Variants in MME observed in about 807,000 individuals in gnomAD.
MME encodes neprilysin.
MME carries 98 observed loss-of-function variants against 113.2 expected under a neutral mutation model. The observed-to-expected ratio is 0.87, with a 90% CI of 0.74 to 1.02. The LOEUF (loss-of-function observed/expected upper bound fraction) is 1.02. MME is among the 50% of genes least tolerant of loss of function. The pLI is 0.00. For synonymous variants in MME, 292 were observed against 300.6 expected, an observed-to-expected ratio of 0.97 and a Z score of 0.30; for missense variants, 836 against 896.0, an observed-to-expected ratio of 0.93 and a Z score of 0.86.
chr3:155,141,269 T>C (rs1721069371), intron 10 of MME, among the ~76,000 whole-genome samples: 1 of 152,218 alleles, frequency 6.6e-6, no homozygotes, highest in African/African-American at 2.4e-5. Flanking sequence ...AAGAATGACC[T>C]AAACCACCAA....
chr3:155,090,447 T>C lies in MME; in HGVS notation c.196+5353T>C, dbSNP rs1361482731. 5 of 152,282 alleles carry C rather than the reference T, an allele frequency of 3.3e-5. No individual in the cohort carries two copies. The East Asian group carries it at 7.7e-4, about 23-fold the overall frequency. 9.4% of individuals were successfully genotyped at this position (152,282 alleles called of 1,614,324 possible). A position where few individuals can be genotyped will look rare whatever the true frequency, so the allele number is the denominator to read the frequency against. ...TATACATACCTATGATAAAGTTTAATTTATAAATTAGACAAAGATTAATAA... is the reference window on the plus strand; with the variant it reads ...TATACATACCTATGATAAAGTTTAACTTATAAATTAGACAAAGATTAATAA... On this transcript the variant is annotated intron_variant, in intron 3 of 22. Coordinates refer to ENST00000360490, the MANE Select transcript of MME (RefSeq NM_007289.4).
chr3:155,085,226 A>T (rs1279108212), intron 3 of MME, 132 bp downstream of exon 3: 3 of 561,116 alleles, frequency 5.3e-6, no homozygotes, highest in Non-Finnish European at 9.5e-6. Flanking sequence ...TGGCTCTATA[A>T]TCAATGGAAA....
intron 4 of MME, 121 bp from the exon 5 acceptor site, chr3:155,116,358 G>A: frequency 2.6e-6 from 2 of 777,364 alleles, no homozygotes; most frequent in Admixed American, 2.0e-5. Flanking sequence ...CTCCAGAAAA[G>A]CAAGGTTTTT....
chr3:155,024,457 A>G (rs964413666), intron 1 of MME: 2 of 152,218 alleles, frequency 1.3e-5, no homozygotes, highest in Admixed American at 6.5e-5. Flanking sequence ...ATCCACTCCC[A>G]TGCCCCAACT....
chr3:155,062,713 C>T (rs955534799), intron 1 of MME, among the ~76,000 whole-genome samples: 1 of 151,778 alleles, frequency 6.6e-6, no homozygotes, highest in Non-Finnish European at 1.5e-5. Context: ...TGTTCTGAGA[C>T]ATAAAAGACA....
At chr3:155,172,051 T>C in intron 20 of MME, 66 bp from the exon 21 acceptor site, 1 of 943,964 alleles carries the variant, frequency 1.1e-6, no homozygotes, top group Non-Finnish European at 1.7e-6. Flanking sequence ...GCATGATCTT[T>C]TACATAGGTT....
chr3:155,113,323 A>T (rs537825152), intron 3 of MME, among the ~76,000 whole-genome samples: 2 of 152,358 alleles, frequency 1.3e-5, no homozygotes, highest in South Asian at 4.1e-4. Context: ...TCTGTCACCC[A>T]GGCTGGAGTG....
At chr3:155,160,883 T>C (rs1349958072) in intron 17 of MME, among the ~76,000 whole-genome samples, 1 of 152,080 alleles carries the variant, frequency 6.6e-6, no homozygotes, top group Non-Finnish European at 1.5e-5. Flanking sequence ...ATGCTGGCTC[T>C]GTGAGAGATG....
rs1314506206 is a variant in MME at position 155,118,739 on chromosome 3, T to A, written c.655-7T>A. On this transcript the variant is annotated splice_region_variant and splice_polypyrimidine_tract_variant and intron_variant, in intron 7 of 22. Transcript: ENST00000360490. ...GATTTATTTTCTTTTATGTATATTT[T>A]TTATAGATTGACCAACCTCGACTTG... 1.3e-6 allele frequency: 2 copies of A among 1,557,768 alleles called. No homozygotes were observed. The highest frequency in any genetic ancestry group is 1.8e-6 in the Non-Finnish European group (2 of 1,133,110).
chr3:155,071,242 A>T (rs914196468), intron 1 of MME, among the ~76,000 whole-genome samples: 4 of 152,200 alleles, frequency 2.6e-5, no homozygotes, highest in Non-Finnish European at 5.9e-5. Context: ...GGGAGACATG[A>T]GGGGATAAGC....
intron 16 of MME, 89 bp downstream of exon 16, chr3:155,148,742 G>T: frequency 1.0e-6 from 1 of 984,492 alleles, no homozygotes; most frequent in Non-Finnish European, 1.6e-6. Context: ...GCCTCAGTTA[G>T]AAAAATATTA....
chr3:155,140,224 A>G lies in MME; in HGVS notation c.889A>G (p.Met297Val). The change falls in exon 10 of 23, where the codon ATG becomes GTG. Residue 297 changes from methionine (M) to valine (V), a missense_variant. Physicochemically the swap from Met to Val is conservative, Grantham distance 21 (BLOSUM62 1). Transcript: ENST00000360490. ...TAAACCTGAAGATCGAAATGATCCA[A>G]TGCTTCTGTATAACAAGATGACATT... is the stretch of plus-strand genomic sequence containing the variant. The part of the protein sequence containing the change: ...TAKPEDRNDP[M>V]LLYNKMTLAQ... The G allele has an allele frequency of 5.6e-6, 9 of 1,612,672 alleles. No individual in the cohort carries two copies. Among genetic ancestry groups the G allele is most frequent in the South Asian group, 1.1e-5 (1 of 90,954 alleles).
At chr3:155,096,127 T>G (rs1209733061) in intron 3 of MME, among the ~76,000 whole-genome samples, 2 of 152,100 alleles carry the variant, frequency 1.3e-5, no homozygotes, top group African/African-American at 4.8e-5. Context: ...ACTAGAGAAG[T>G]AACCAGGGCC....
intron 3 of MME, among the ~76,000 whole-genome samples, chr3:155,095,202 G>A (rs1391234784): frequency 1.3e-5 from 2 of 152,336 alleles, no homozygotes; most frequent in East Asian, 1.9e-4. Flanking sequence ...AGGAGGAAAA[G>A]CAATTTAAGT....
chr3:155,052,419 G>C (rs1038096219), intron 1 of MME, among the ~76,000 whole-genome samples: 1 of 152,206 alleles, frequency 6.6e-6, no homozygotes, highest in Non-Finnish European at 1.5e-5. Context: ...TGGCATTTCT[G>C]TCCATCCTCT....
Position 155,063,912 on chromosome 3 carries a change from G to A in MME, c.-10-20246G>A, listed in dbSNP as rs1483166744. On this transcript the variant is annotated intron_variant, in intron 1 of 22. Coordinates refer to the MME transcript ENST00000492661. ...TAACTCTCAATGTGACTGTATTTGG[G>A]AGATGGGGGCTTTACAGAGGTAATC... 2.0e-5 allele frequency among the ~76,000 whole-genome samples: 3 copies of A among 151,462 alleles called. No homozygotes were observed. In the East Asian group the frequency reaches 5.8e-4, roughly 29 times the overall value.
chr3:155,114,765 G>A (rs1406949479), intron 3 of MME, among the ~76,000 whole-genome samples: 1 of 152,044 alleles, frequency 6.6e-6, no homozygotes, highest in African/African-American at 2.4e-5. Flanking sequence ...TGGGACCCAG[G>A]GTGGAAGGAC....
intron 14 of MME, among the ~76,000 whole-genome samples, chr3:155,146,393 G>C (rs1190524696): frequency 6.6e-6 from 1 of 151,934 alleles, no homozygotes; most frequent in Non-Finnish European, 1.5e-5. Flanking sequence ...GGGCATGGTG[G>C]TGCATGCCTG....
intron 1 of MME, among the ~76,000 whole-genome samples, chr3:155,028,346 G>A (rs558451255): frequency 1.3e-5 from 2 of 152,332 alleles, no homozygotes; most frequent in African/African-American, 4.8e-5. Flanking sequence ...TGCCAATGAA[G>A]TGAGAGCTGC....
Sources: allele counts gnomAD v4.1 joint callset (sites outside exome capture counted in the v4.1 genomes callset), GRCh38; gene constraint gnomAD v4.1.1; transcripts MANE v1.5; gene names NCBI Gene and HGNC (gene_info 2026-07-23, HGNC 2026-07-21).